NAV3: variants seen among roughly 807,000 people sequenced by gnomAD.
NAV3 encodes the protein pore membrane and/or filament interacting like protein 1.
Under a neutral mutation model 244.7 loss-of-function variants are expected in NAV3, and 87 were observed. The ratio of observed to expected loss-of-function variants is 0.36; its 90% CI spans 0.30 to 0.42. The LOEUF (loss-of-function observed/expected upper bound fraction) is 0.42, where lower values mean the gene tolerates loss of function less well. Ranked by LOEUF, NAV3 falls within the 20% of genes least tolerant of loss-of-function variation. The probability of loss-of-function intolerance (pLI) is 1.00; values close to 1 mark genes in which losing one functional copy is unlikely to be tolerated. For synonymous variants in NAV3, 1,126 were observed against 1,042.2 expected (o/e 1.08, Z -1.55); for missense variants, 2,663 against 2,893.3 (o/e 0.92, Z 1.83).
intron 2 of NAV3, among the ~76,000 whole-genome samples, chr12:77,661,201 A>C (rs1873429855): frequency 1.3e-5 from 2 of 152,156 alleles, no homozygotes; most frequent in South Asian, 4.1e-4. Context: ...CATTCCCGCC[A>C]GCCATGTCTG....
chr12:77,734,879 G>T (rs752439351), intron 2 of NAV3, among the ~76,000 whole-genome samples: 7 of 152,108 alleles, frequency 4.6e-5, no homozygotes, highest in Non-Finnish European at 8.8e-5. Flanking sequence ...CTACTGAAGG[G>T]CAGGAGCAAG....
At chr12:77,983,442 G>A (rs1013595947) in intron 5 of NAV3, among the ~76,000 whole-genome samples, 7 of 152,054 alleles carry the variant, frequency 4.6e-5, no homozygotes, top group African/African-American at 1.7e-4. Flanking sequence ...AATATAATAT[G>A]ATAGTGGAAA....
intron 22 of NAV3, among the ~76,000 whole-genome samples, chr12:78,153,408 G>A (rs1469358616): frequency 5.3e-5 from 8 of 152,070 alleles, no homozygotes; most frequent in African/African-American, 1.9e-4. Context: ...AGAAAGGAGA[G>A]CGGTTATATT....
chr12:77,699,763 AG>A (rs1168181492), intron 2 of NAV3, among the ~76,000 whole-genome samples: 1 of 150,840 alleles, frequency 6.6e-6, no homozygotes, highest in East Asian at 2.0e-4. Context: ...TGAATGTCCC[AG>A]TGAGCAAGGC....
chr12:77,622,374 T>C (rs1871411588), intron 2 of NAV3, among the ~76,000 whole-genome samples: 1 of 151,882 alleles, frequency 6.6e-6, no homozygotes, highest in South Asian at 2.1e-4. Flanking sequence ...TTAGCCAGGA[T>C]GGTCTCGATC....
At chr12:78,042,365 G>T (rs1424597834) in intron 9 of NAV3, among the ~76,000 whole-genome samples, 1 of 152,186 alleles carries the variant, frequency 6.6e-6, no homozygotes, top group Non-Finnish European at 1.5e-5. Context: ...TAGATGCCTA[G>T]GAATTTACTT....
chr12:77,988,330 C>A (rs1870886817), intron 5 of NAV3, among the ~76,000 whole-genome samples: 1 of 152,144 alleles, frequency 6.6e-6, no homozygotes, highest in African/African-American at 2.4e-5. Flanking sequence ...AGATTCGGCC[C>A]TGTTTACCTT....
At chr12:77,635,725 G>A (rs1872126405) in intron 2 of NAV3, among the ~76,000 whole-genome samples, 1 of 151,944 alleles carries the variant, frequency 6.6e-6, no homozygotes, top group Non-Finnish European at 1.5e-5. Context: ...CACTTACTAT[G>A]GTCTAGACTC....
At chr12:77,794,843 A>G (rs1871335889) in intron 2 of NAV3, among the ~76,000 whole-genome samples, 1 of 152,238 alleles carries the variant, frequency 6.6e-6, no homozygotes, top group South Asian at 2.1e-4. Context: ...CTCATAAAAA[A>G]TGGCAAACTT....
Position 78,102,007 on chromosome 12 carries a change from T to G in NAV3, c.2637-14765T>G, listed in dbSNP as rs369577058. On this transcript the variant is annotated intron_variant, in intron 12 of 39. Transcript: ENST00000397909. Reference sequence around the variant, plus strand: ...AGTTATACTGAAATGTGATAGGATCTTTTAAAAGTGGTGCCTTGATTTTGT... The same window carrying G: ...AGTTATACTGAAATGTGATAGGATCGTTTAAAAGTGGTGCCTTGATTTTGT... Among the ~76,000 whole-genome samples, 39 of 152,310 alleles carry G rather than the reference T, an allele frequency of 2.6e-4. No homozygotes were observed. In the East Asian group the frequency reaches 5.0e-3, roughly 20 times the overall value.
intron 2 of NAV3, among the ~76,000 whole-genome samples, chr12:77,706,046 A>G (rs1044408039): frequency 6.6e-6 from 1 of 151,520 alleles, no homozygotes; most frequent in South Asian, 2.1e-4. Flanking sequence ...TCTAAAGTTG[A>G]GGAAATACAG....
At chr12:78,004,256 T>C (rs1441565658) in intron 7 of NAV3, among the ~76,000 whole-genome samples, 1 of 152,182 alleles carries the variant, frequency 6.6e-6, no homozygotes, top group Admixed American at 6.5e-5. Context: ...GAAGTACTTA[T>C]TATGTACTTG....
rs1031833122 is a variant in NAV3, at chr12:78,211,673, C to G, written c.*1156C>G. ...AAGGCAGAAGATTTTGAATTATTAT[C>G]CAGCAGGGCTGGAAGCACTAGATGC... On this transcript the variant is annotated 3_prime_UTR_variant, in exon 40 of 40. Coordinates refer to ENST00000397909, the MANE Select transcript of NAV3 (RefSeq NM_001024383.2). 1 of 152,460 alleles carries G rather than the reference C, an allele frequency of 6.6e-6. No individual in the cohort carries two copies. The highest frequency in any genetic ancestry group is 2.4e-5 in the African/African-American group (1 of 41,424). 9.4% of individuals were successfully genotyped at this position (152,460 alleles called of 1,614,324 possible).
intron 13 of NAV3, among the ~76,000 whole-genome samples, chr12:78,117,136 A>G (rs1236579796): frequency 1.6e-5 from 2 of 124,786 alleles, no homozygotes; most frequent in Non-Finnish European, 3.2e-5. Context: ...CACTGCAGCC[A>G]ATTTTGAATA....
intron 5 of NAV3, among the ~76,000 whole-genome samples, chr12:77,973,800 C>G (rs1243018136): frequency 2.0e-5 from 3 of 152,112 alleles, no homozygotes; most frequent in African/African-American, 7.2e-5. Context: ...CCCTTGTGAA[C>G]CTGGCTTCAA....
chr12:77,882,711 T>C (rs898734956), intron 1 of NAV3, among the ~76,000 whole-genome samples: 7 of 152,042 alleles, frequency 4.6e-5, no homozygotes, highest in African/African-American at 1.7e-4. Context: ...TTAAAATCTA[T>C]AAGGAATTTA....
intron 2 of NAV3, among the ~76,000 whole-genome samples, chr12:77,746,527 C>T (rs1288443534): frequency 1.3e-5 from 2 of 151,960 alleles, no homozygotes; most frequent in African/African-American, 2.4e-5. Context: ...ATAACTAATA[C>T]TGTGTTGGGC....
At chr12:77,919,787 A>G (rs1887529729) in intron 1 of NAV3, among the ~76,000 whole-genome samples, 1 of 151,984 alleles carries the variant, frequency 6.6e-6, no homozygotes, top group Admixed American at 6.6e-5. Context: ...TTTGCTTAAT[A>G]GTTGATCAGA....
intron 9 of NAV3, among the ~76,000 whole-genome samples, chr12:78,045,903 T>C (rs981342336): frequency 5.3e-5 from 8 of 152,234 alleles, no homozygotes; most frequent in Admixed American, 4.6e-4. Context: ...ACTGCCTCAA[T>C]TTCAGAACTT....
Sources: gnomAD v4.1 joint callset for allele counts (sites outside exome capture counted in the v4.1 genomes callset) on GRCh38, gnomAD v4.1.1 for gene constraint, MANE v1.5 for transcripts, NCBI Gene and HGNC (gene_info 2026-07-23, HGNC 2026-07-21) for gene names.